Variants in TENM3 observed in about 807,000 individuals in gnomAD.
The protein encoded by TENM3 is teneurin-3.
TENM3 carries 63 observed loss-of-function variants against 255.1 expected under a neutral mutation model. The ratio of observed to expected loss-of-function variants is 0.25; its 90% confidence interval spans 0.20 to 0.30. The LOEUF (loss-of-function observed/expected upper bound fraction) is 0.30. TENM3 is among the 10% of genes least tolerant of loss of function. The pLI, the probability that TENM3 is intolerant of heterozygous loss-of-function variation, is 1.00. For missense variants in TENM3, 2,929 were observed against 3,461.1 expected, an observed-to-expected ratio of 0.85 and a Z score of 3.86; for synonymous variants, 1,306 against 1,322.3, an observed-to-expected ratio of 0.99 and a Z score of 0.27.
chr4:182,109,323 G>A, the TENM3 span, among the ~76,000 whole-genome samples: 1 of 149,408 alleles, frequency 6.7e-6, no homozygotes, highest in Non-Finnish European at 1.5e-5. Flanking sequence ...ACTACAGATA[G>A]TGATTATACC....
At chr4:182,790,702 A>G (rs1008054270) in intron 25 of TENM3, among the ~76,000 whole-genome samples, 1 of 152,218 alleles carries the variant, frequency 6.6e-6, no homozygotes, top group African/African-American at 2.4e-5. Context: ...CAATGTTTCT[A>G]AGTGGGAGAG....
chr4:182,201,095 G>T (rs921499532), intron 1 of TENM3, among the ~76,000 whole-genome samples: 8 of 152,204 alleles, frequency 5.3e-5, no homozygotes, highest in African/African-American at 1.7e-4. Flanking sequence ...AAAGTTCTAG[G>T]ATTATAGGTG....
intron 3 of TENM3, among the ~76,000 whole-genome samples, chr4:182,439,729 C>T (rs965814564): frequency 6.6e-6 from 1 of 152,206 alleles, no homozygotes; most frequent in Non-Finnish European, 1.5e-5. Context: ...TCGAAAATTG[C>T]TTCTTCCTGC....
intron 13 of TENM3, among the ~76,000 whole-genome samples, chr4:182,724,486 C>T (rs1358739462): frequency 4.6e-5 from 7 of 152,216 alleles, no homozygotes; most frequent in Non-Finnish European, 8.8e-5. Flanking sequence ...CAGTGTGTCC[C>T]TGCACCTTGG....
rs555581484 is a variant in TENM3 at position 182,538,553 on chromosome 4, G to A, written c.512-62371G>A. ...GGAACACAGAGCAAAGCAGCATAAT[G>A]CAAGGTGAGCTTTGTTTAAGGACTT... On this transcript the variant is annotated intron_variant, in intron 3 of 27. Coordinates refer to ENST00000511685, the MANE Select transcript of TENM3 (RefSeq NM_001080477.4). Among the ~76,000 whole-genome samples, 5 of 152,326 alleles carry A rather than the reference G, an allele frequency of 3.3e-5. No homozygotes were observed. The South Asian group carries it at 1.0e-3, about 32-fold the overall frequency.
the TENM3 span, among the ~76,000 whole-genome samples, chr4:182,058,495 T>C: frequency 0.022 from 3,317 of 152,262 alleles, 122 homozygotes; most frequent in African/African-American, 0.075. Context: ...CTTGACAGTG[T>C]TACAGTAAAA....
At chr4:181,625,740 G>A in the TENM3 span, among the ~76,000 whole-genome samples, 1 of 152,054 alleles carries the variant, frequency 6.6e-6, no homozygotes, top group African/African-American at 2.4e-5. Context: ...CGTGAACCCA[G>A]GAGGCAGAGC....
the TENM3 span, among the ~76,000 whole-genome samples, chr4:181,713,376 T>TGGG: frequency 1.3e-5 from 2 of 152,166 alleles, no homozygotes; most frequent in African/African-American, 4.8e-5. Flanking sequence ...CAAAGATATA[T>TGGG]GATTTCTGAA....
At chr4:182,495,581 A>G (rs937482704) in intron 3 of TENM3, among the ~76,000 whole-genome samples, 22 of 152,190 alleles carry the variant, frequency 1.4e-4, no homozygotes, top group African/African-American at 5.3e-4. Flanking sequence ...TTTAATGGAT[A>G]TTTGTGAGAG....
the TENM3 span, among the ~76,000 whole-genome samples, chr4:181,777,454 T>G: frequency 2.0e-5 from 3 of 152,098 alleles, no homozygotes; most frequent in South Asian, 2.1e-4. Flanking sequence ...AAATGTCGTT[T>G]GTATTTGATG....
the TENM3 span, among the ~76,000 whole-genome samples, chr4:181,566,800 CTT>C: frequency 6.6e-6 from 1 of 152,218 alleles, no homozygotes; most frequent in Non-Finnish European, 1.5e-5. Flanking sequence ...CCAACTCTCT[CTT>C]AGCTAATTTC....
intron 3 of TENM3, among the ~76,000 whole-genome samples, chr4:182,351,206 G>T (rs1395663293): frequency 1.3e-5 from 2 of 152,042 alleles, no homozygotes; most frequent in African/African-American, 4.8e-5. Flanking sequence ...GTTGCCCCTG[G>T]TATCAAGGAA....
At chr4:181,655,318 A>G in the TENM3 span, among the ~76,000 whole-genome samples, 1 of 152,240 alleles carries the variant, frequency 6.6e-6, no homozygotes, top group Admixed American at 6.5e-5. Flanking sequence ...TGATAGTGCC[A>G]TTAATGAAGA....
the TENM3 span, among the ~76,000 whole-genome samples, chr4:181,980,946 A>C: frequency 5.8e-3 from 873 of 150,858 alleles, 12 homozygotes; most frequent in African/African-American, 0.021. Flanking sequence ...ATTTCAAGAA[A>C]CACAGAACCA....
At chr4:182,384,452 A>G (rs1767773907) in intron 3 of TENM3, among the ~76,000 whole-genome samples, 1 of 152,194 alleles carries the variant, frequency 6.6e-6, no homozygotes, top group Non-Finnish European at 1.5e-5. Context: ...AAACAAAGAA[A>G]TGCATTTGTT....
chr4:181,507,221 G>T, the TENM3 span, among the ~76,000 whole-genome samples: 1 of 152,146 alleles, frequency 6.6e-6, no homozygotes, highest in Non-Finnish European at 1.5e-5. Flanking sequence ...TCCCACAGAA[G>T]TATTTATTTT....
chr4:182,608,285 G>A (rs1015131614), intron 4 of TENM3, among the ~76,000 whole-genome samples: 41 of 152,048 alleles, frequency 2.7e-4, no homozygotes, highest in African/African-American at 7.5e-4. Flanking sequence ...ACGGGGCCTT[G>A]CTCTGTCACT....
At chr4:182,123,387 G>C in the TENM3 span, among the ~76,000 whole-genome samples, 2 of 152,270 alleles carry the variant, frequency 1.3e-5, no homozygotes, top group African/African-American at 4.8e-5. Context: ...TCCTCACTAA[G>C]CTTAATCATT....
intron 3 of TENM3, among the ~76,000 whole-genome samples, chr4:182,370,592 C>T (rs17073165): frequency 0.041 from 6,275 of 152,232 alleles, 222 homozygotes; most frequent in African/African-American, 0.099. Context: ...AAGAGAACAA[C>T]GTGGTGTGGT....
Sources: allele counts gnomAD v4.1 joint callset (sites outside exome capture counted in the v4.1 genomes callset), GRCh38; gene constraint gnomAD v4.1.1; transcripts MANE v1.5; gene names NCBI Gene and HGNC (gene_info 2026-07-23, HGNC 2026-07-21).